THSD4: variants seen among roughly 807,000 people sequenced by gnomAD.
The protein encoded by THSD4 is thrombospondin type-1 domain-containing protein 4.
A neutral mutation model predicts 119.0 loss-of-function variants in THSD4; 69 were observed. That is an observed-to-expected ratio of 0.58 (90% CI 0.48 to 0.71). The LOEUF (loss-of-function observed/expected upper bound fraction) is 0.71, where lower values mean the gene tolerates loss of function less well. Among genes scored for constraint, THSD4 ranks in the 30% least tolerant of loss-of-function variants. The pLI is 0.00. For synonymous variants in THSD4, 524 were observed against 540.4 expected (o/e 0.97, Z 0.42); for missense variants, 1,393 against 1,391.1 (o/e 1.00, Z -0.02).
intron 3 of THSD4, chr15:71,165,201 T>G: frequency 6.4e-7 from 1 of 1,568,170 alleles, no homozygotes. Flanking sequence ...TTCATTTCTC[T>G]TTCATAATGG....
At chr15:71,474,364 C>T (rs1442408382) in intron 7 of THSD4, among the ~76,000 whole-genome samples, 16 of 152,078 alleles carry the variant, frequency 1.1e-4, no homozygotes, top group East Asian at 9.7e-4. Flanking sequence ...GGATTACAGG[C>T]GCCTGCCCCT....
intron 16 of THSD4, among the ~76,000 whole-genome samples, chr15:71,770,307 T>A (rs1409962828): frequency 2.1e-4 from 21 of 101,116 alleles, no homozygotes; most frequent in South Asian, 3.0e-4. Flanking sequence ...TCTGCACCAA[T>A]AATTCCAGCA....
chr15:71,480,631 C>A (rs1011666840), intron 7 of THSD4, among the ~76,000 whole-genome samples: 24 of 152,216 alleles, frequency 1.6e-4, no homozygotes, highest in African/African-American at 5.8e-4. Context: ...GAGCCTCTTA[C>A]ACCCTTCCTG....
At chr15:71,753,118 A>C (rs1037745118) in intron 14 of THSD4, among the ~76,000 whole-genome samples, 1 of 152,176 alleles carries the variant, frequency 6.6e-6, no homozygotes, top group Non-Finnish European at 1.5e-5. Context: ...ATCTTTACCT[A>C]AGTGAATTGA....
At chr15:71,727,575 TATATATATATATACACACACACACAC>T (rs1448624794) in intron 8 of THSD4, among the ~76,000 whole-genome samples, 1 of 37,158 alleles carries the variant, frequency 2.7e-5, no homozygotes, top group African/African-American at 8.1e-5. Context: ...TATATATATA[TATATATATATATACACACACACACAC>T]ACACACACAC....
In THSD4 at chr15:71,553,412, A is replaced by G. The variant is rs557406639; in HGVS notation, c.1153-107118A>G. Among the ~76,000 whole-genome samples the G allele has an allele frequency of 7.0e-5, 10 of 143,304 alleles. No homozygotes were observed. In the South Asian group the frequency reaches 2.2e-3, roughly 32 times the overall value. The allele number at this position is 143,304 out of a possible 152,430, so 94.0% of individuals were successfully genotyped here. A position where few individuals can be genotyped will look rare whatever the true frequency, so the allele number is the denominator to read the frequency against. On this transcript the variant is annotated intron_variant, in intron 7 of 17. Transcript: ENST00000261862. ...GTGATCTCGGCTCACTGCAACCTCC[A>G]CCTCCCGGGTTCAAGCGATTCTCCT...
chr15:71,639,371 T>C (rs2050810955), intron 7 of THSD4, among the ~76,000 whole-genome samples: 1 of 152,164 alleles, frequency 6.6e-6, no homozygotes, highest in Admixed American at 6.5e-5. Flanking sequence ...TAGAATATCA[T>C]TATTTGATGT....
At chr15:71,559,831 GATTA>G (rs2049084797) in intron 7 of THSD4, among the ~76,000 whole-genome samples, 1 of 152,144 alleles carries the variant, frequency 6.6e-6, no homozygotes. Context: ...AGAGAAAAGT[GATTA>G]ATTGTGGTTA....
At chr15:71,575,974 T>C (rs543195573) in intron 7 of THSD4, among the ~76,000 whole-genome samples, 1 of 152,258 alleles carries the variant, frequency 6.6e-6, no homozygotes, top group East Asian at 1.9e-4. Context: ...TATTGTAGAG[T>C]CTTACATGAA....
intron 7 of THSD4, among the ~76,000 whole-genome samples, chr15:71,447,108 C>T (rs112785517): frequency 0.055 from 6,506 of 118,378 alleles, 221 homozygotes; most frequent in Middle Eastern, 0.073. Context: ...CTCTTCCCTC[C>T]ATTTTTTTTG....
At chr15:71,097,936 A>G (rs888245470) in intron 1 of THSD4, among the ~76,000 whole-genome samples, 1 of 151,934 alleles carries the variant, frequency 6.6e-6, no homozygotes, top group African/African-American at 2.4e-5. Flanking sequence ...AATAAACTTC[A>G]TGCCCAGTGC....
intron 7 of THSD4, among the ~76,000 whole-genome samples, chr15:71,473,320 A>G (rs1393165027): frequency 1.3e-5 from 2 of 152,134 alleles, no homozygotes; most frequent in African/African-American, 4.8e-5. Flanking sequence ...AGCCCTCTAA[A>G]GTGCTGGGAT....
chr15:71,689,541 G>A (rs545675512), intron 8 of THSD4, among the ~76,000 whole-genome samples: 1 of 152,298 alleles, frequency 6.6e-6, no homozygotes, highest in African/African-American at 2.4e-5. Context: ...CATAAAATCA[G>A]TAACCCACAA....
chr15:71,746,776 C>G, intron 12 of THSD4, 62 bp from the exon 13 acceptor site: 1 of 1,548,808 alleles, frequency 6.5e-7, no homozygotes, highest in Middle Eastern at 1.7e-4. Context: ...GCTGCGGGCT[C>G]ACGCTGACTT....
chr15:71,392,786 T>C (rs1307522487), intron 6 of THSD4, among the ~76,000 whole-genome samples: 2 of 152,206 alleles, frequency 1.3e-5, no homozygotes, highest in Non-Finnish European at 2.9e-5. Context: ...GGGCTGCTTT[T>C]CATGTGTCTT....
At chr15:71,288,499 G>A (rs919752698) in intron 6 of THSD4, among the ~76,000 whole-genome samples, 24 of 152,188 alleles carry the variant, frequency 1.6e-4, no homozygotes, top group African/African-American at 4.1e-4. Flanking sequence ...GTGAGGGTGG[G>A]GGCTGAAAGT....
chr15:71,638,797 A>C (rs1395276335), intron 7 of THSD4, among the ~76,000 whole-genome samples: 1 of 152,224 alleles, frequency 6.6e-6, no homozygotes, highest in Non-Finnish European at 1.5e-5. Flanking sequence ...AATAAGCTAC[A>C]TTATGCTTGA....
rs188757852 is a variant in THSD4, at chr15:71,498,837, A to G, written c.1152+87014A>G. On this transcript the variant is annotated intron_variant, in intron 7 of 17. Coordinates refer to ENST00000261862, the MANE Select transcript of THSD4 (RefSeq NM_024817.3). Reference sequence around the variant, plus strand: ...CAGCCTCCCAAGTAGCTGGGACCACAGGCACACACCACCACATTGTACTTT... The same window carrying G: ...CAGCCTCCCAAGTAGCTGGGACCACGGGCACACACCACCACATTGTACTTT... Among the ~76,000 whole-genome samples, 1,260 of 147,936 alleles carry G rather than the reference A, an allele frequency of 8.5e-3. 22 individuals are homozygous for G. The highest frequency in any genetic ancestry group is 0.029 in the African/African-American group (1,186 of 40,360).
chr15:71,677,051 A>T (rs770932001), intron 8 of THSD4, among the ~76,000 whole-genome samples: 1 of 152,200 alleles, frequency 6.6e-6, no homozygotes, highest in Admixed American at 6.5e-5. Flanking sequence ...CAACTGCCCC[A>T]TTTTATCTTC....
Sources: allele counts gnomAD v4.1 joint callset (sites outside exome capture counted in the v4.1 genomes callset), GRCh38; gene constraint gnomAD v4.1.1; transcripts MANE v1.5; gene names NCBI Gene and HGNC (gene_info 2026-07-23, HGNC 2026-07-21).